The following DDX10 variants were observed in gnomAD, a reference collection of about 807,000 sequenced individuals.
The protein encoded by DDX10 is DEAD-box helicase 10, also known as probable ATP-dependent RNA helicase DDX10.
DDX10 carries 74 observed loss-of-function variants against 104.3 expected under a neutral mutation model. That is an observed-to-expected ratio of 0.71 (90% CI 0.59 to 0.86). The LOEUF (loss-of-function observed/expected upper bound fraction) is 0.86. Ranked by LOEUF, DDX10 falls within the 40% of genes least tolerant of loss-of-function variation. The pLI is 0.00. For missense variants in DDX10, 952 were observed against 1,040.0 expected (o/e 0.92, Z 1.16); for synonymous variants, 351 against 353.4 (o/e 0.99, Z 0.08).
intron 16 of DDX10, among the ~76,000 whole-genome samples, chr11:108,872,070 A>G (rs1436528297): frequency 1.3e-5 from 2 of 152,230 alleles, no homozygotes; most frequent in Admixed American, 6.5e-5. Context: ...ATTCATTGCG[A>G]CATTCTGAAT....
At chr11:108,682,076 T>C (rs558520711) in intron 6 of DDX10, among the ~76,000 whole-genome samples, 1 of 152,248 alleles carries the variant, frequency 6.6e-6, no homozygotes, top group South Asian at 2.1e-4. Flanking sequence ...AAAATGTTTC[T>C]TTTCATCTTT....
intron 17 of DDX10, among the ~76,000 whole-genome samples, chr11:108,923,636 G>A (rs1863869650): frequency 3.3e-5 from 5 of 152,108 alleles, no homozygotes; most frequent in Admixed American, 2.6e-4. Flanking sequence ...AAAGCTTTTT[G>A]TTCCATGGAG....
At chr11:108,919,596 T>C (rs1028755069) in intron 17 of DDX10, 1 of 152,232 alleles carries the variant, frequency 6.6e-6, no homozygotes, top group African/African-American at 2.4e-5. Flanking sequence ...TCCAAGTGTT[T>C]CCATGTAACT....
At chr11:108,836,964 T>C (rs1237858599) in intron 13 of DDX10, among the ~76,000 whole-genome samples, 1 of 152,186 alleles carries the variant, frequency 6.6e-6, no homozygotes, top group East Asian at 1.9e-4. Context: ...CCTCCTCTCT[T>C]TTCCTTGTGT....
intron 16 of DDX10, among the ~76,000 whole-genome samples, chr11:108,910,078 CAAA>C (rs747161005): frequency 6.6e-5 from 5 of 75,278 alleles, no homozygotes; most frequent in Admixed American, 1.5e-4. Flanking sequence ...ATATTCTAGG[CAAA>C]AAAAAAAAAA....
At chr11:108,792,815 A>G (rs1861889147) in intron 13 of DDX10, among the ~76,000 whole-genome samples, 1 of 152,158 alleles carries the variant, frequency 6.6e-6, no homozygotes, top group South Asian at 2.1e-4. Context: ...AATTACTAAT[A>G]TTGATCAATT....
intron 13 of DDX10, among the ~76,000 whole-genome samples, chr11:108,742,646 CTGCT>C (rs2094326679): frequency 6.6e-6 from 1 of 152,094 alleles, no homozygotes; most frequent in African/African-American, 2.4e-5. Context: ...GATTGATAGA[CTGCT>C]AGCTAGACTA....
intron 16 of DDX10, among the ~76,000 whole-genome samples, chr11:108,887,907 ACT>A (rs937616489): frequency 1.3e-4 from 19 of 151,418 alleles, no homozygotes; most frequent in Non-Finnish European, 2.4e-4. Context: ...ACAGAGCAAG[ACT>A]CTCTGAAAAA....
intron 13 of DDX10, among the ~76,000 whole-genome samples, chr11:108,834,752 C>G (rs554600184): frequency 8.3e-4 from 124 of 149,632 alleles, no homozygotes; most frequent in Non-Finnish European, 1.3e-3. Flanking sequence ...ACAGTGAAAC[C>G]CTGTCTCTAC....
chr11:108,935,692 G>T (rs954401393), intron 17 of DDX10, among the ~76,000 whole-genome samples: 6 of 152,016 alleles, frequency 3.9e-5, no homozygotes, highest in Non-Finnish European at 8.8e-5. Flanking sequence ...ATTCTCACAG[G>T]TTTCTCCATA....
In DDX10 at chr11:108,823,045, G is replaced by A. The variant is rs539259396; in HGVS notation, c.1966-15401G>A. On this transcript the variant is annotated intron_variant, in intron 13 of 17. Transcript: ENST00000322536. The stretch of plus-strand genomic sequence containing the variant: ...TCGAAATTGTCTCTTGACTTTGGGA[G>A]TGAGTAGGTGATGTTTCTCTAGGTG... Among the ~76,000 whole-genome samples, 6 of 152,324 alleles carry A rather than the reference G, an allele frequency of 3.9e-5. No individual in the cohort carries two copies. The South Asian group carries it at 1.0e-3, about 26-fold the overall frequency.
chr11:108,744,944 A>G (rs946350372), intron 13 of DDX10, among the ~76,000 whole-genome samples: 7 of 152,234 alleles, frequency 4.6e-5, no homozygotes, highest in African/African-American at 1.7e-4. Flanking sequence ...ATAAGAGCAC[A>G]GAGTGTGTTG....
chr11:108,844,639 A>G (rs1862689030), intron 15 of DDX10, among the ~76,000 whole-genome samples: 1 of 152,154 alleles, frequency 6.6e-6, no homozygotes. Context: ...TCAGTGTGGA[A>G]TTAGTAGGTT....
chr11:108,737,471 A>G (rs1183426559), intron 13 of DDX10, among the ~76,000 whole-genome samples: 2 of 152,202 alleles, frequency 1.3e-5, no homozygotes, highest in Non-Finnish European at 2.9e-5. Flanking sequence ...CAAATGATTG[A>G]AAACAGTGAT....
rs2094301335 is a variant in DDX10 at position 108,723,455 on chromosome 11, C to T, written c.1958C>T (p.Thr653Ile). Residue 653 changes from threonine to isoleucine, a missense_variant, in exon 13 of 18, where the codon ACA (threonine) becomes ATA (isoleucine). Physicochemically the swap from Thr to Ile is moderately conservative, Grantham distance 89. Around this residue, in one of 3 missense-constraint regions of DDX10, gnomAD observed 533 missense variants for 534.1 expected, o/e 1.00. Coordinates refer to ENST00000322536, the MANE Select transcript of DDX10 (RefSeq NM_004398.4). Reference protein sequence around the residue: ...VFGLDLKDEKTLQKKEPSKSS... With the variant: ...VFGLDLKDEKILQKKEPSKSS... ...GGATTGGACCTTAAAGACGAGAAAA[C>T]ATTACAGGTAAGTTTACTCCCAGTG... is the stretch of plus-strand genomic sequence containing the variant. 4 of 1,610,260 alleles carry T rather than the reference C, an allele frequency of 2.5e-6. No homozygotes were observed. In the African/African-American group the frequency reaches 5.3e-5, roughly 22 times the overall value.
chr11:108,921,963 G>T (rs919515698), intron 17 of DDX10: 3 of 149,248 alleles, frequency 2.0e-5, no homozygotes, highest in Non-Finnish European at 4.4e-5. Flanking sequence ...CAGAGAGAGA[G>T]AGCCGAGCAC....
chr11:108,722,689 G>A (rs2094299747), intron 12 of DDX10, among the ~76,000 whole-genome samples: 1 of 152,158 alleles, frequency 6.6e-6, no homozygotes. Context: ...GAAGCTGAGA[G>A]GGTTGAATTG....
At chr11:108,805,913 A>AGTAGAGACGGGGTCTCTCC (rs1294029719) in intron 13 of DDX10, among the ~76,000 whole-genome samples, 1 of 152,152 alleles carries the variant, frequency 6.6e-6, no homozygotes, top group Non-Finnish European at 1.5e-5. Context: ...AATAAACTAT[A>AGTAGAGACGGGGTCTCTCC]ATCTTTCTAA....
intron 13 of DDX10, among the ~76,000 whole-genome samples, chr11:108,791,313 G>A (rs553388946): frequency 6.6e-6 from 1 of 152,320 alleles, no homozygotes; most frequent in African/African-American, 2.4e-5. Context: ...CCCTGCCCTC[G>A]CAGCTGATGC....
Sources: gnomAD v4.1 joint callset for allele counts (sites outside exome capture counted in the v4.1 genomes callset) on GRCh38, gnomAD v4.1.1 for gene constraint, gnomAD v4.1.1 regional missense constraint, MANE v1.5 for transcripts, NCBI Gene and HGNC (gene_info 2026-07-23, HGNC 2026-07-21) for gene names.